The following FAM120C variants were observed in gnomAD, a reference collection of about 807,000 sequenced individuals.
The protein encoded by FAM120C is constitutive coactivator of PPAR-gamma-like protein 2.
In FAM120C, 14 loss-of-function variants were observed where a neutral mutation model predicts 71.2. The ratio of observed to expected loss-of-function variants is 0.20; its 90% CI spans 0.13 to 0.31. The LOEUF is 0.31. Ranked by LOEUF, FAM120C falls within the 10% of genes least tolerant of loss-of-function variation. FAM120C has a pLI of 1.00. For synonymous variants in FAM120C, 354 were observed against 353.2 expected, an observed-to-expected ratio of 1.00 and a Z score of -0.03; for missense variants, 500 against 879.0, an observed-to-expected ratio of 0.57 and a Z score of 5.45.
At chrX:54,135,260 G>A in intron 6 of FAM120C, 149 bp from the exon 7 acceptor site, 1 of 590,289 alleles carries the variant, frequency 1.7e-6, no homozygotes, top group Non-Finnish European at 2.6e-6. Context: ...AATGATGTAT[G>A]AACAGAATCC....
intron 13 of FAM120C, among the ~76,000 whole-genome samples, chrX:54,083,434 C>CACACAG (rs1491116427): frequency 0.021 from 37 of 1,744 alleles, no homozygotes; most frequent in Non-Finnish European, 0.045. Flanking sequence ...ACCCCATCTC[C>CACACAG]ACACACACAC....
At chrX:54,084,799 T>C (rs374034285) in intron 13 of FAM120C, among the ~76,000 whole-genome samples, 65 of 111,608 alleles carry the variant, frequency 5.8e-4, no homozygotes, top group African/African-American at 2.1e-3. Flanking sequence ...CTAGGCATGA[T>C]TGTGTATTCA....
intron 9 of FAM120C, among the ~76,000 whole-genome samples, chrX:54,118,699 C>CTTTTTTTTT (rs1187381929): frequency 7.9e-4 from 25 of 31,718 alleles, no homozygotes; most frequent in Non-Finnish European, 9.9e-4. Flanking sequence ...TTCTTTTTTT[C>CTTTTTTTTT]TTTTTTTTTT....
Position 54,081,371 on chromosome X carries a change from G to T in FAM120C, c.2929C>A (p.Arg977=). The change falls in exon 14 of 16, where the codon CGA becomes AGA. Residue 977 remains arginine, a synonymous_variant. Transcript: ENST00000375180. ...ACCACTTGCATGCCGAAGGATCCTC[G>T]GCCCCTGGAGGATCTGCTGCCAGCC... The part of the protein sequence containing the change: ...QWAGSRSSRG[R]GSFGMQVVSV... 1 of 1,207,471 alleles carries T rather than the reference G, an allele frequency of 8.3e-7. No homozygotes were observed.
At chrX:54,088,712 C>T (rs1277173805) in intron 11 of FAM120C, among the ~76,000 whole-genome samples, 1 of 109,618 alleles carries the variant, frequency 9.1e-6, no homozygotes, top group Admixed American at 9.9e-5. Context: ...CAGATACCAG[C>T]ACCATGTTTC....
Position 54,090,308 on chromosome X carries a change from T to C in FAM120C, c.2427+1004A>G, listed in dbSNP as rs782131472. ...GTACAATGGTGCAATCTCGGCTCAC[T>C]GCAATCTCCGCCTCCCGGGTTCGAA... On this transcript the variant is annotated intron_variant, in intron 11 of 15. Coordinates refer to ENST00000375180, the MANE Select transcript of FAM120C (RefSeq NM_017848.6). Among the ~76,000 whole-genome samples the C allele has an allele frequency of 4.6e-5, 5 of 109,283 alleles. No individual in the cohort carries two copies. The East Asian group carries it at 1.2e-3, about 25-fold the overall frequency. 94.9% of individuals were successfully genotyped at this position (109,283 alleles called of 115,157 possible).
intron 4 of FAM120C, among the ~76,000 whole-genome samples, chrX:54,139,573 C>G (rs2067113421): frequency 9.0e-6 from 1 of 110,673 alleles, no homozygotes; most frequent in Non-Finnish European, 1.9e-5. Context: ...GATCTCCTGA[C>G]CTCGTGATCC....
intron 10 of FAM120C, 115 bp from the exon 11 acceptor site, chrX:54,091,541 T>A: frequency 2.2e-6 from 1 of 457,235 alleles, no homozygotes; most frequent in Non-Finnish European, 3.8e-6. Context: ...TTGGCAATAC[T>A]AACTGAATGA....
At chrX:54,159,664 T>C in intron 1 of FAM120C, 48 bp from the exon 2 acceptor site, 1 of 1,188,416 alleles carries the variant, frequency 8.4e-7, no homozygotes, top group Non-Finnish European at 1.1e-6. Flanking sequence ...CTGATTTGTA[T>C]TGTTAGAAGG....
At chrX:54,163,389 C>G (rs1375837550) in intron 1 of FAM120C, among the ~76,000 whole-genome samples, 1 of 112,154 alleles carries the variant, frequency 8.9e-6, no homozygotes, top group Non-Finnish European at 1.9e-5. Flanking sequence ...ACTTTGAAAA[C>G]AGAATGCTAA....
At chrX:54,147,128 C>T (rs2067160559) in intron 4 of FAM120C, among the ~76,000 whole-genome samples, 1 of 110,554 alleles carries the variant, frequency 9.0e-6, no homozygotes, top group Non-Finnish European at 1.9e-5. Flanking sequence ...CCAGCCTGGC[C>T]AACAGGGTGA....
intron 11 of FAM120C, among the ~76,000 whole-genome samples, chrX:54,090,054 C>T (rs1220006082): frequency 1.8e-5 from 2 of 110,545 alleles, no homozygotes; most frequent in African/African-American, 6.6e-5. Context: ...ATATGTGACC[C>T]CTCCAAATTG....
At chrX:54,089,245 G>C (rs1488358383) in intron 11 of FAM120C, among the ~76,000 whole-genome samples, 1 of 111,328 alleles carries the variant, frequency 9.0e-6, no homozygotes, top group Non-Finnish European at 1.9e-5. Context: ...TATGTGCTAT[G>C]TGAAATGGAA....
chrX:54,147,393 A>G (rs2067162645), intron 4 of FAM120C: 1 of 111,727 alleles, frequency 9.0e-6, no homozygotes, highest in Non-Finnish European at 1.9e-5. Flanking sequence ...ATCATTTGGA[A>G]AGCCTCACAT....
rs781910820 is a variant in FAM120C, at chrX:54,072,023, CACTT to C, written c.*1006_*1009del. The C allele has an allele frequency of 2.7e-4, 28 of 104,553 alleles. No individual in the cohort carries two copies. The highest frequency in any genetic ancestry group is 4.5e-4 in the African/African-American group (13 of 28,732). The allele number at this position is 104,553 out of a possible 1,213,427, so 8.6% of individuals were successfully genotyped here. On this transcript the variant is annotated 3_prime_UTR_variant, in exon 16 of 16. Coordinates refer to ENST00000375180, the MANE Select transcript of FAM120C (RefSeq NM_017848.6). ...ACACATATATACACACATACACACA[CACTT>C]ACATATATATAAAATATGTATAGAT...
At chrX:54,157,666 A>G (rs1162317386) in intron 3 of FAM120C, 23 bp downstream of exon 3, 59 of 1,123,867 alleles carry the variant, frequency 5.2e-5, no homozygotes, top group Non-Finnish European at 6.7e-5. Flanking sequence ...TAATCTGTAT[A>G]GGCAAGAAAT....
At chrX:54,127,576 C>T (rs987732938) in intron 9 of FAM120C, among the ~76,000 whole-genome samples, 1 of 92,695 alleles carries the variant, frequency 1.1e-5, no homozygotes, top group Non-Finnish European at 2.1e-5. Flanking sequence ...ACAAACAAGA[C>T]TCCATCTCAA....
chrX:54,172,106 C>T lies in FAM120C; in HGVS notation c.699+10394G>A, dbSNP rs144716968. 5.6e-3 allele frequency among the ~76,000 whole-genome samples: 627 copies of T among 112,631 alleles called. 4 individuals are homozygous for T. Among genetic ancestry groups the T allele is most frequent in the African/African-American group, 0.02 (610 of 31,084 alleles). On this transcript the variant is annotated intron_variant, in intron 1 of 15. Coordinates refer to ENST00000375180, the MANE Select transcript of FAM120C (RefSeq NM_017848.6). ...TAATTTTGCTAGGAACAAGCAAGTA[C>T]AACCATACATTTGTGAAGGTATTTC... is the stretch of plus-strand genomic sequence containing the variant.
intron 13 of FAM120C, 36 bp downstream of exon 13, chrX:54,085,679 T>C (rs781906749): frequency 5.3e-6 from 6 of 1,130,752 alleles, no homozygotes; most frequent in South Asian, 1.8e-5. Flanking sequence ...ATGACATAAA[T>C]TGAGGATGGT....
Sources: allele counts gnomAD v4.1 joint callset (sites outside exome capture counted in the v4.1 genomes callset), GRCh38; gene constraint gnomAD v4.1.1; transcripts MANE v1.5; gene names NCBI Gene and HGNC (gene_info 2026-07-23, HGNC 2026-07-21).